PDZRN3: variants seen among roughly 807,000 people sequenced by gnomAD.
PDZRN3 encodes E3 ubiquitin-protein ligase PDZRN3.
PDZRN3 carries 38 observed loss-of-function variants against 85.7 expected under a neutral mutation model. The ratio of observed to expected loss-of-function variants is 0.44; its 90% confidence interval spans 0.34 to 0.58. PDZRN3 has a LOEUF of 0.58. Among genes scored for constraint, PDZRN3 ranks in the 20% least tolerant of loss-of-function variants. The probability of loss-of-function intolerance (pLI) is 0.01; values close to 1 mark genes in which losing one functional copy is unlikely to be tolerated. For missense variants in PDZRN3, 1,629 were observed against 1,506.4 expected (o/e 1.08, Z -1.35); for synonymous variants, 759 against 638.0 (o/e 1.19, Z -2.86).
intron 3 of PDZRN3, among the ~76,000 whole-genome samples, chr3:73,571,260 T>C (rs557124330): frequency 1.2e-4 from 18 of 152,344 alleles, no homozygotes; most frequent in Non-Finnish European, 2.5e-4. Context: ...GTATCCCTTT[T>C]TTCTCCATAT....
chr3:73,605,543 T>A (rs1293742114), intron 2 of PDZRN3, among the ~76,000 whole-genome samples: 3 of 152,230 alleles, frequency 2.0e-5, no homozygotes, highest in Admixed American at 2.0e-4. Flanking sequence ...ATGAAAAGCC[T>A]TATGTCAGAG....
In PDZRN3 at chr3:73,383,653, G is replaced by A; in HGVS notation, c.2913C>T (p.Arg971=). 1 of 1,613,164 alleles carries A rather than the reference G, an allele frequency of 6.2e-7. No homozygotes were observed. The highest frequency in any genetic ancestry group is 8.5e-7 in the Non-Finnish European group (1 of 1,180,026). The change falls in exon 10 of 10, where the codon CGC becomes CGT. Residue 971 remains arginine (R), a synonymous_variant. Coordinates refer to ENST00000263666, the MANE Select transcript of PDZRN3 (RefSeq NM_015009.3). ...GCTTCCTCTCCTCCTTGCTCCAGTA[G>A]CGCCCCATCTTCATCTCGCTCACCG... The part of the protein sequence containing the change: ...DDAVSEMKMG[R]YWSKEERKQH...
intron 3 of PDZRN3, among the ~76,000 whole-genome samples, chr3:73,583,243 G>A (rs1000453359): frequency 1.4e-4 from 21 of 152,270 alleles, no homozygotes; most frequent in South Asian, 8.3e-4. Context: ...CCAAGGCTAC[G>A]TAGCAAAAAT....
At chr3:73,531,154 G>C (rs1045919147) in intron 3 of PDZRN3, among the ~76,000 whole-genome samples, 4 of 151,634 alleles carry the variant, frequency 2.6e-5, no homozygotes, top group African/African-American at 9.7e-5. Context: ...AGGAGGCAGA[G>C]GCAGGAGAAT....
At chr3:73,541,247 C>G (rs1302575246) in intron 3 of PDZRN3, among the ~76,000 whole-genome samples, 1 of 152,094 alleles carries the variant, frequency 6.6e-6, no homozygotes, top group African/African-American at 2.4e-5. Context: ...TTTTTTCTAT[C>G]AAAGTCCAAC....
At chr3:73,515,131 A>G (rs1192176779) in intron 3 of PDZRN3, among the ~76,000 whole-genome samples, 2 of 149,454 alleles carry the variant, frequency 1.3e-5, no homozygotes, top group African/African-American at 2.5e-5. Context: ...TTTTCTGACT[A>G]GGTAATTGGG....
At chr3:73,518,217 T>C (rs1026027164) in intron 3 of PDZRN3, among the ~76,000 whole-genome samples, 4 of 152,200 alleles carry the variant, frequency 2.6e-5, no homozygotes, top group East Asian at 3.9e-4. Context: ...TGGAAGAATG[T>C]TGAGGACCTT....
rs1702651875 is a variant in PDZRN3 at position 73,442,217 on chromosome 3, C to T, written c.919-37822G>A. On this transcript the variant is annotated intron_variant, in intron 3 of 9. Transcript: ENST00000263666. ...GAAAAGAGATTTGAGGCCTGGAGTCCAGGCAGGACAGATGGTAGAAACCAA... is the reference window on the plus strand; with the variant it reads ...GAAAAGAGATTTGAGGCCTGGAGTCTAGGCAGGACAGATGGTAGAAACCAA... Among the ~76,000 whole-genome samples, 4 of 152,234 alleles carry T rather than the reference C, an allele frequency of 2.6e-5. No individual in the cohort carries two copies. In the Middle Eastern group the frequency reaches 0.01, roughly 388 times the overall value.
intron 3 of PDZRN3, among the ~76,000 whole-genome samples, chr3:73,416,890 T>TTTTTTTTTTTTTTTTTTTTTTTTTTTTTG (rs1559667740): frequency 7.1e-6 from 1 of 139,960 alleles, no homozygotes; most frequent in African/African-American, 2.8e-5. Context: ...TTTTTTTTTT[T>TTTTTTTTTTTTTTTTTTTTTTTTTTTTTG]TTTTTTTTTT....
intron 3 of PDZRN3, among the ~76,000 whole-genome samples, chr3:73,493,019 T>G (rs1003993996): frequency 3.2e-5 from 4 of 125,600 alleles, no homozygotes; most frequent in African/African-American, 1.1e-4. Flanking sequence ...CCTTACACTT[T>G]GGAGACTCTT....
rs1312032606 is a variant in PDZRN3, at chr3:73,582,821, A to T, written c.918+19533T>A. On this transcript the variant is annotated intron_variant, in intron 3 of 9. Transcript: ENST00000263666. ...ATTGCAGTGTTGTGGGGACAATGAA[A>T]TGAAATAGCACATTAGGAAACAGCC... Among the ~76,000 whole-genome samples the T allele has an allele frequency of 2.6e-5, 4 of 152,194 alleles. No homozygotes were observed. In the East Asian group the frequency reaches 7.7e-4, roughly 29 times the overall value.
At position 73,383,744 on chromosome 3, in the gene PDZRN3, C is replaced by A; in HGVS notation, c.2822G>T (p.Arg941Leu). The change falls in exon 10 of 10, where the codon CGC (arginine) becomes CTC (leucine). Residue 941 changes from arginine to leucine, a missense_variant. Coordinates refer to ENST00000263666, the MANE Select transcript of PDZRN3 (RefSeq NM_015009.3). The part of the protein sequence containing the change: ...RYITKRPVRD[R>L]LLRERALKIR... ...CTTCAGGGCGCGCTCCCGCAGCAGG[C>A]GGTCCCGCACGGGCCTCTTGGTGAT... 6.2e-7 allele frequency: 1 copy of A among 1,612,168 alleles called. No homozygotes were observed. Among genetic ancestry groups the A allele is most frequent in the Non-Finnish European group, 8.5e-7 (1 of 1,179,938 alleles).
In PDZRN3 at chr3:73,624,309, G is replaced by C. The variant is rs1702926785; in HGVS notation, c.517C>G (p.Leu173Val). 1 of 1,323,582 alleles carries C rather than the reference G, an allele frequency of 7.6e-7. No individual in the cohort carries two copies. Among genetic ancestry groups the C allele is most frequent in the African/African-American group, 1.5e-5 (1 of 64,676 alleles). The allele number at this position is 1,323,582 out of a possible 1,614,324, so 82.0% of individuals were successfully genotyped here. Reference sequence around the variant, plus strand: ...TGCAGCGCGCCCAGGCGGGCCTGGAGCGCGCCGTTGTGCGCCCGCAGCGCT... The same window carrying C: ...TGCAGCGCGCCCAGGCGGGCCTGGACCGCGCCGTTGTGCGCCCGCAGCGCT... Reference protein sequence around the residue: ...ARALRAHNGALQARLGALHKA... With the variant: ...ARALRAHNGAVQARLGALHKA... Residue 173 changes from leucine to valine, a missense_variant, in exon 1 of 10, where the codon CTC becomes GTC. Leu to Val is a conservative substitution (Grantham distance 32). Coordinates refer to ENST00000263666, the MANE Select transcript of PDZRN3 (RefSeq NM_015009.3).
chr3:73,504,855 T>C (rs939204479), intron 3 of PDZRN3, among the ~76,000 whole-genome samples: 8 of 152,218 alleles, frequency 5.3e-5, no homozygotes, highest in African/African-American at 1.9e-4. Flanking sequence ...TTTCATTATA[T>C]TAATTAACAA....
chr3:73,509,959 T>C (rs1704134365), intron 3 of PDZRN3, among the ~76,000 whole-genome samples: 1 of 152,208 alleles, frequency 6.6e-6, no homozygotes, highest in African/African-American at 2.4e-5. Context: ...AACAACGGAT[T>C]ATCTTTAAAG....
At chr3:73,504,866 C>T (rs1483122256) in intron 3 of PDZRN3, among the ~76,000 whole-genome samples, 2 of 152,162 alleles carry the variant, frequency 1.3e-5, no homozygotes, top group African/African-American at 4.8e-5. Context: ...TAATTAACAA[C>T]ATAATTGATT....
At chr3:73,457,878 AT>A (rs758033327) in intron 3 of PDZRN3, among the ~76,000 whole-genome samples, 49 of 152,308 alleles carry the variant, frequency 3.2e-4, no homozygotes, top group Non-Finnish European at 6.3e-4. Context: ...ATCTACTGAC[AT>A]CCTGATTATG....
intron 1 of PDZRN3, among the ~76,000 whole-genome samples, chr3:73,622,688 C>A (rs1346654660): frequency 1.3e-5 from 2 of 152,158 alleles, no homozygotes; most frequent in Non-Finnish European, 2.9e-5. Flanking sequence ...TGCCAATATG[C>A]CCCAAAACTG....
At chr3:73,591,525 G>T (rs1702356165) in intron 3 of PDZRN3, among the ~76,000 whole-genome samples, 1 of 152,118 alleles carries the variant, frequency 6.6e-6, no homozygotes, top group South Asian at 2.1e-4. Flanking sequence ...GTAATTTCAG[G>T]TTTATGAAAC....
Sources: gnomAD v4.1 joint callset for allele counts (sites outside exome capture counted in the v4.1 genomes callset) on GRCh38, gnomAD v4.1.1 for gene constraint, MANE v1.5 for transcripts, NCBI Gene and HGNC (gene_info 2026-07-23, HGNC 2026-07-21) for gene names.